Variants in UNC5D observed in about 807,000 individuals in gnomAD.
The protein encoded by UNC5D is netrin receptor UNC5D.
A neutral mutation model predicts 105.4 loss-of-function variants in UNC5D; 39 were observed. The observed-to-expected ratio is 0.37, with a 90% CI of 0.29 to 0.48. UNC5D has a LOEUF of 0.48. Ranked by LOEUF, UNC5D falls within the 20% of genes least tolerant of loss-of-function variation. UNC5D has a pLI of 0.98. For synonymous variants in UNC5D, 452 were observed against 450.4 expected, an observed-to-expected ratio of 1.00 and a Z score of -0.04; for missense variants, 991 against 1,202.4, an observed-to-expected ratio of 0.82 and a Z score of 2.60.
intron 1 of UNC5D, among the ~76,000 whole-genome samples, chr8:35,283,798 G>GA (rs1276809460): frequency 1.7e-4 from 8 of 46,286 alleles, no homozygotes; most frequent in Non-Finnish European, 4.1e-4. Context: ...GTGAGACTCC[G>GA]AATAAAAAAA....
At chr8:35,474,095 A>C (rs563249273) in intron 1 of UNC5D, among the ~76,000 whole-genome samples, 13 of 152,332 alleles carry the variant, frequency 8.5e-5, no homozygotes, top group African/African-American at 3.1e-4. Flanking sequence ...CAAGTTTCTA[A>C]TACAGGACCT....
At chr8:35,642,791 C>T (rs1822824875) in intron 4 of UNC5D, among the ~76,000 whole-genome samples, 1 of 152,076 alleles carries the variant, frequency 6.6e-6, no homozygotes. Context: ...AGACTTTAAG[C>T]TCCTAGAAGA....
intron 1 of UNC5D, among the ~76,000 whole-genome samples, chr8:35,314,910 C>T (rs534115489): frequency 6.6e-5 from 10 of 152,110 alleles, no homozygotes; most frequent in African/African-American, 1.9e-4. Flanking sequence ...TTAAACACCA[C>T]GTAATGCTGT....
intron 1 of UNC5D, among the ~76,000 whole-genome samples, chr8:35,249,104 A>C (rs1236510776): frequency 7.8e-6 from 1 of 127,914 alleles, no homozygotes; most frequent in Non-Finnish European, 1.6e-5. Flanking sequence ...ATATAAAAAA[A>C]TATATATATT....
At chr8:35,355,841 G>T (rs1016388698) in intron 1 of UNC5D, among the ~76,000 whole-genome samples, 2 of 152,078 alleles carry the variant, frequency 1.3e-5, no homozygotes, top group African/African-American at 4.8e-5. Flanking sequence ...CTTCCACCAA[G>T]TGAGAAAACA....
chr8:35,346,670 T>A (rs1811825742), intron 1 of UNC5D, among the ~76,000 whole-genome samples: 1 of 152,068 alleles, frequency 6.6e-6, no homozygotes, highest in African/African-American at 2.4e-5. Flanking sequence ...ATATTTGGTA[T>A]AATCAAAGGT....
chr8:35,615,084 A>C (rs1820952352), intron 4 of UNC5D, among the ~76,000 whole-genome samples: 1 of 148,842 alleles, frequency 6.7e-6, no homozygotes, highest in South Asian at 2.2e-4. Flanking sequence ...AAACTAAAAA[A>C]ATAAAATTAG....
intron 13 of UNC5D, among the ~76,000 whole-genome samples, chr8:35,751,317 T>C (rs557111177): frequency 1.3e-5 from 2 of 152,312 alleles, no homozygotes; most frequent in South Asian, 4.1e-4. Context: ...ATAGCAATGT[T>C]ATCCCCAGGA....
chr8:35,257,888 A>G (rs1804192159), intron 1 of UNC5D, among the ~76,000 whole-genome samples: 1 of 152,266 alleles, frequency 6.6e-6, no homozygotes, highest in East Asian at 1.9e-4. Context: ...TTCCTGAGTC[A>G]TAACAAATTG....
At chr8:35,702,694 A>G (rs1051622972) in intron 7 of UNC5D, among the ~76,000 whole-genome samples, 1 of 152,184 alleles carries the variant, frequency 6.6e-6, no homozygotes, top group Non-Finnish European at 1.5e-5. Context: ...TCATTGTAGA[A>G]CAATCTCGAT....
chr8:35,698,428 C>T (rs2897334), intron 7 of UNC5D, among the ~76,000 whole-genome samples: 7,948 of 152,030 alleles, frequency 0.052, 415 homozygotes, highest in African/African-American at 0.11. Flanking sequence ...TCCATCCCAG[C>T]CTCAGCCCTC....
At chr8:35,623,967 C>A (rs930979391) in intron 4 of UNC5D, among the ~76,000 whole-genome samples, 1 of 152,010 alleles carries the variant, frequency 6.6e-6, no homozygotes, top group Non-Finnish European at 1.5e-5. Context: ...GTAGTCCCAG[C>A]TACTCTGGAG....
rs189496909 is a variant in UNC5D, at chr8:35,496,992, T to G, written c.104-52300T>G. ...ATGACTGAGGCCCCTATAACAAAGA[T>G]AGATTAACAAAAGAAAAGCATACAT... On this transcript the variant is annotated intron_variant, in intron 1 of 16. Transcript: ENST00000404895. Among the ~76,000 whole-genome samples, 280 of 152,222 alleles carry G rather than the reference T, an allele frequency of 1.8e-3. 1 individual carries two copies. Among genetic ancestry groups the G allele is most frequent in the African/African-American group, 6.3e-3 (260 of 41,532 alleles).
chr8:35,449,102 A>C (rs986660923), intron 1 of UNC5D, among the ~76,000 whole-genome samples: 1 of 152,212 alleles, frequency 6.6e-6, no homozygotes, highest in Non-Finnish European at 1.5e-5. Flanking sequence ...GTTGATGGAC[A>C]CTTAAACTGA....
intron 1 of UNC5D, among the ~76,000 whole-genome samples, chr8:35,507,880 A>G (rs1447152683): frequency 1.3e-5 from 2 of 152,156 alleles, no homozygotes. Flanking sequence ...CTGTAAGTAT[A>G]CATACCTACT....
chr8:35,782,073 G>A (rs1802526702), intron 16 of UNC5D, among the ~76,000 whole-genome samples: 1 of 152,220 alleles, frequency 6.6e-6, no homozygotes, highest in African/African-American at 2.4e-5. Context: ...GATACTGGGG[G>A]ACAGCAGGAA....
intron 1 of UNC5D, among the ~76,000 whole-genome samples, chr8:35,274,240 G>T (rs1379560474): frequency 6.6e-6 from 1 of 152,164 alleles, no homozygotes; most frequent in Non-Finnish European, 1.5e-5. Flanking sequence ...AGACACCACA[G>T]TGCAAAAGGA....
intron 9 of UNC5D, chr8:35,724,390 C>G: frequency 1.5e-6 from 2 of 1,332,872 alleles, no homozygotes; most frequent in Non-Finnish European, 2.0e-6. Context: ...CGTTTTTGAG[C>G]AATACATCCA....
intron 8 of UNC5D, among the ~76,000 whole-genome samples, chr8:35,711,491 T>G (rs1373322841): frequency 6.6e-6 from 1 of 152,142 alleles, no homozygotes; most frequent in Non-Finnish European, 1.5e-5. Flanking sequence ...AGCTTTCTTT[T>G]CTTTATTACC....
Sources: allele counts gnomAD v4.1 joint callset (sites outside exome capture counted in the v4.1 genomes callset), GRCh38; gene constraint gnomAD v4.1.1; transcripts MANE v1.5; gene names NCBI Gene and HGNC (gene_info 2026-07-23, HGNC 2026-07-21).